The following ARHGAP6 variants were observed in gnomAD, a reference collection of about 807,000 sequenced individuals.
The protein encoded by ARHGAP6 is rho GTPase-activating protein 6.
A neutral mutation model predicts 55.7 loss-of-function variants in ARHGAP6; 16 were observed. That is an observed-to-expected ratio of 0.29 (90% CI 0.19 to 0.44). ARHGAP6 has a LOEUF of 0.44. Ranked by LOEUF, ARHGAP6 falls within the 20% of genes least tolerant of loss-of-function variation. The pLI, the probability that ARHGAP6 is intolerant of heterozygous loss-of-function variation, is 1.00. For synonymous variants in ARHGAP6, 382 were observed against 360.9 expected, an observed-to-expected ratio of 1.06 and a Z score of -0.66; for missense variants, 698 against 808.9, an observed-to-expected ratio of 0.86 and a Z score of 1.66.
intron 1 of ARHGAP6, among the ~76,000 whole-genome samples, chrX:11,520,167 A>T (rs2050901872): frequency 1.3e-5 from 1 of 76,065 alleles, no homozygotes; most frequent in African/African-American, 4.8e-5. Context: ...ATATATATAT[A>T]TATATATATA....
At chrX:11,362,236 C>G (rs2049021791) in intron 1 of ARHGAP6, among the ~76,000 whole-genome samples, 1 of 111,690 alleles carries the variant, frequency 9.0e-6, no homozygotes, top group Admixed American at 9.5e-5. Context: ...TTCACAATAG[C>G]AAAGTCTTGG....
chrX:11,174,560 TCC>T (rs1424752883), intron 8 of ARHGAP6, among the ~76,000 whole-genome samples: 2,115 of 84,687 alleles, frequency 0.025, 79 homozygotes, highest in African/African-American at 0.083. Flanking sequence ...CTTCCTTCCT[TCC>T]TTCCTTCCTT....
In ARHGAP6 at chrX:11,138,941, G is replaced by GA; in HGVS notation, c.2846_2847insT (p.Trp950LeufsTer84). On this transcript the variant is annotated frameshift_variant, in exon 13 of 13. Transcript: ENST00000337414. LOFTEE classifies it high-confidence loss of function. Reference sequence around the variant, plus strand: ...AGATCTGCCAGCGCTCTCTCTGCCAGTCGAGCCAGCCAGCGTCCCCCAGGC... The same window carrying GA: ...AGATCTGCCAGCGCTCTCTCTGCCAGATCGAGCCAGCCAGCGTCCCCCAGGC... 1 of 1,193,575 alleles carries GA rather than the reference G, an allele frequency of 8.4e-7. No individual in the cohort carries two copies. Among genetic ancestry groups the GA allele is most frequent in the Non-Finnish European group, 1.1e-6 (1 of 888,928 alleles).
rs1277903615 is a variant in ARHGAP6 at position 11,213,555 on chromosome X, T to C, written c.749-16559A>G. Among the ~76,000 whole-genome samples, 3 of 112,690 alleles carry C rather than the reference T, an allele frequency of 2.7e-5. 1 individual carries two copies. The highest frequency in any genetic ancestry group is 6.4e-5 in the African/African-American group (2 of 31,027). On this transcript the variant is annotated intron_variant, in intron 2 of 12. Transcript: ENST00000337414. ...AAGAAAATGTGGTTTATATGTAAAA[T>C]GGAATAGTATTCAGCTATGAAAAAG... is the stretch of plus-strand genomic sequence containing the variant.
At chrX:11,160,947 A>G (rs2045934659) in intron 9 of ARHGAP6, among the ~76,000 whole-genome samples, 1 of 112,657 alleles carries the variant, frequency 8.9e-6, no homozygotes, top group Non-Finnish European at 1.9e-5. Flanking sequence ...TTTCCTATGT[A>G]TTATGCAAAA....
intron 2 of ARHGAP6, among the ~76,000 whole-genome samples, chrX:11,251,504 A>T (rs192571750): frequency 1.9e-3 from 208 of 111,906 alleles, no homozygotes; most frequent in African/African-American, 5.8e-3. Context: ...TGAACCCTGG[A>T]AGCACCAGAC....
chrX:11,289,491 C>A (rs772702006), intron 1 of ARHGAP6, among the ~76,000 whole-genome samples: 1 of 111,477 alleles, frequency 9.0e-6, no homozygotes, highest in Non-Finnish European at 1.9e-5. Context: ...AATATCTCCC[C>A]AAATGGAGAG....
At chrX:11,618,697 C>T (rs985691461) in intron 1 of ARHGAP6, among the ~76,000 whole-genome samples, 4 of 112,243 alleles carry the variant, frequency 3.6e-5, no homozygotes, top group African/African-American at 1.3e-4. Context: ...ATATAATGAA[C>T]TTGCTTCATA....
chrX:11,501,262 T>C (rs112262845), intron 1 of ARHGAP6, among the ~76,000 whole-genome samples: 9,364 of 111,279 alleles, frequency 0.084, 432 homozygotes, highest in East Asian at 0.18. Flanking sequence ...ACCACCCTTC[T>C]CTCATAGCAA....
chrX:11,173,251 G>C (rs946541416), intron 8 of ARHGAP6, among the ~76,000 whole-genome samples: 15 of 112,085 alleles, frequency 1.3e-4, no homozygotes, highest in African/African-American at 4.9e-4. Context: ...GCTGAATGAG[G>C]GTGAGGGGAG....
chrX:11,548,967 C>T (rs2147081500), intron 1 of ARHGAP6, among the ~76,000 whole-genome samples: 1 of 111,954 alleles, frequency 8.9e-6, no homozygotes, highest in South Asian at 3.7e-4. Flanking sequence ...AAAACTAGAC[C>T]CCTATTTATC....
At chrX:11,339,863 G>A (rs1245644883) in intron 1 of ARHGAP6, among the ~76,000 whole-genome samples, 3 of 111,782 alleles carry the variant, frequency 2.7e-5, no homozygotes, top group Non-Finnish European at 1.9e-5. Flanking sequence ...TTTTACTCAT[G>A]TTAGTAAATA....
chrX:11,581,127 A>G (rs2051661272), intron 1 of ARHGAP6, among the ~76,000 whole-genome samples: 1 of 112,657 alleles, frequency 8.9e-6, no homozygotes, highest in African/African-American at 3.2e-5. Flanking sequence ...ACAGATTTGA[A>G]TAGATATTTT....
At chrX:11,367,758 A>C in intron 1 of ARHGAP6, 1 of 750,162 alleles carries the variant, frequency 1.3e-6, no homozygotes, top group Non-Finnish European at 1.6e-6. Flanking sequence ...AGTTTGAGAG[A>C]CCAGGATGTT....
chrX:11,184,759 C>T (rs1000465856), intron 5 of ARHGAP6, among the ~76,000 whole-genome samples: 3 of 112,096 alleles, frequency 2.7e-5, no homozygotes, highest in Admixed American at 9.5e-5. Context: ...TGGGTACTTA[C>T]GTTCATTTTG....
intron 10 of ARHGAP6, among the ~76,000 whole-genome samples, chrX:11,146,165 G>A (rs945788299): frequency 1.8e-5 from 2 of 112,420 alleles, no homozygotes; most frequent in East Asian, 5.6e-4. Context: ...TCTGCCTTAA[G>A]CAGGATCCAG....
At chrX:11,166,594 C>G (rs774309459) in intron 9 of ARHGAP6, among the ~76,000 whole-genome samples, 2 of 111,456 alleles carry the variant, frequency 1.8e-5, no homozygotes, top group Non-Finnish European at 3.8e-5. Flanking sequence ...GCTGACAAAC[C>G]ACCAGCCTTG....
chrX:11,224,014 C>A (rs1160722112), intron 2 of ARHGAP6, among the ~76,000 whole-genome samples: 3 of 112,038 alleles, frequency 2.7e-5, no homozygotes, highest in East Asian at 5.6e-4. Flanking sequence ...TACTCCCTTG[C>A]TACTTTATAG....
At chrX:11,598,091 G>T (rs923538364) in intron 1 of ARHGAP6, among the ~76,000 whole-genome samples, 4 of 111,787 alleles carry the variant, frequency 3.6e-5, no homozygotes, top group Non-Finnish European at 7.5e-5. Context: ...AAACTGGAGA[G>T]ATGTTTAGAA....
Sources: gnomAD v4.1 joint callset for allele counts (sites outside exome capture counted in the v4.1 genomes callset) on GRCh38, gnomAD v4.1.1 for gene constraint, MANE v1.5 for transcripts, NCBI Gene and HGNC (gene_info 2026-07-23, HGNC 2026-07-21) for gene names.